SPPL3: variants seen among roughly 807,000 people sequenced by gnomAD.
The protein encoded by SPPL3 is signal peptide peptidase like 3, also known as signal peptide peptidase-like 3.
In SPPL3, 5 loss-of-function variants were observed where a neutral mutation model predicts 42.4. The observed-to-expected ratio is 0.12, with a 90% CI of 0.06 to 0.25. SPPL3 has a LOEUF of 0.25. SPPL3 is among the 10% of genes least tolerant of loss of function. The pLI, the probability that SPPL3 is intolerant of heterozygous loss-of-function variation, is 1.00. For synonymous variants in SPPL3, 195 were observed against 181.8 expected, an observed-to-expected ratio of 1.07 and a Z score of -0.58; for missense variants, 235 against 489.0, an observed-to-expected ratio of 0.48 and a Z score of 4.90.
chr12:120,799,327 T>C (rs560555994), intron 2 of SPPL3, among the ~76,000 whole-genome samples: 6 of 152,320 alleles, frequency 3.9e-5, no homozygotes, highest in Middle Eastern at 3.4e-3. Context: ...AAAAACAGAA[T>C]GGTTGTATGG....
intron 1 of SPPL3, among the ~76,000 whole-genome samples, chr12:120,900,597 GAAAAA>G (rs10657271): frequency 8.1e-6 from 1 of 123,092 alleles, no homozygotes. Flanking sequence ...CTGTCTCAAG[GAAAAA>G]AAAAAAAAAA....
chr12:120,799,467 G>T (rs551376538), intron 2 of SPPL3, among the ~76,000 whole-genome samples: 11 of 152,242 alleles, frequency 7.2e-5, no homozygotes, highest in Admixed American at 5.9e-4. Context: ...AGAAAGTAGT[G>T]GTCAACTTCA....
intron 2 of SPPL3, among the ~76,000 whole-genome samples, chr12:120,798,154 T>A (rs1870169056): frequency 6.6e-6 from 1 of 152,204 alleles, no homozygotes; most frequent in Non-Finnish European, 1.5e-5. Context: ...TGTGGTGGAC[T>A]CCCTGAAACA....
intron 1 of SPPL3, among the ~76,000 whole-genome samples, chr12:120,826,788 G>T (rs1443441474): frequency 6.6e-6 from 1 of 151,918 alleles, no homozygotes; most frequent in Non-Finnish European, 1.5e-5. Flanking sequence ...TTTATACCTG[G>T]AGTCCTGCTG....
intron 2 of SPPL3, among the ~76,000 whole-genome samples, chr12:120,808,924 AAATAC>A (rs1214583645): frequency 6.6e-6 from 1 of 152,220 alleles, no homozygotes; most frequent in Non-Finnish European, 1.5e-5. Context: ...GAAAAAAATA[AAATAC>A]TTGTCCACAG....
At chr12:120,883,873 G>T (rs1442815349) in intron 1 of SPPL3, among the ~76,000 whole-genome samples, 2 of 151,572 alleles carry the variant, frequency 1.3e-5, no homozygotes, top group Admixed American at 6.6e-5. Flanking sequence ...AGGCCAAGGT[G>T]GGTGGATCAC....
intron 1 of SPPL3, among the ~76,000 whole-genome samples, chr12:120,857,023 T>C (rs1054728565): frequency 6.6e-6 from 1 of 152,108 alleles, no homozygotes; most frequent in African/African-American, 2.4e-5. Flanking sequence ...GACAAAGTCT[T>C]GTACTGAGGA....
At chr12:120,804,472 T>C (rs554197) in intron 2 of SPPL3, among the ~76,000 whole-genome samples, 14,977 of 152,032 alleles carry the variant, frequency 0.099, 1,596 homozygotes, top group African/African-American at 0.27. Flanking sequence ...AGATGGCAAA[T>C]GGGCACATGA....
At chr12:120,884,884 A>C (rs1162493303) in intron 1 of SPPL3, among the ~76,000 whole-genome samples, 1 of 150,972 alleles carries the variant, frequency 6.6e-6, no homozygotes, top group African/African-American at 2.4e-5. Context: ...TATTCAATAA[A>C]TAGATACTAG....
intron 1 of SPPL3, among the ~76,000 whole-genome samples, chr12:120,842,273 A>G (rs1871858646): frequency 6.6e-6 from 1 of 152,230 alleles, no homozygotes; most frequent in African/African-American, 2.4e-5. Flanking sequence ...CATAAAAGTA[A>G]TAATGGCAAC....
rs776368225 is a variant in SPPL3, at chr12:120,767,550, C to T, written c.817G>A (p.Val273Ile). 5.6e-6 allele frequency: 9 copies of T among 1,614,198 alleles called. No homozygotes were observed. Among genetic ancestry groups the T allele is most frequent in the South Asian group, 2.2e-5 (2 of 91,086 alleles). The change falls in exon 9 of 11, where the codon GTT (valine) becomes ATT (isoleucine). Residue 273 changes from valine to isoleucine, a missense_variant. This residue lies in a region of SPPL3 where 20 missense variants were observed against 66.1 expected (regional missense o/e 0.30). Transcript: ENST00000353487. ...AAGCATAGTAGGAGACCAGGCATAACGATGTCTCCGATGCCCAACATGGAG... is the reference window on the plus strand; with the variant it reads ...AAGCATAGTAGGAGACCAGGCATAATGATGTCTCCGATGCCCAACATGGAG... ...HFSMLGIGDI[V>I]MPGLLLCFVL...
intron 1 of SPPL3, among the ~76,000 whole-genome samples, chr12:120,876,634 A>AAAAAAAC (rs1483322103): frequency 6.7e-6 from 1 of 148,616 alleles, no homozygotes; most frequent in Non-Finnish European, 1.5e-5. Context: ...AAAAAAAAAA[A>AAAAAAAC]AAGAAGAAAG....
chr12:120,885,624 CCT>C (rs1290324768), intron 1 of SPPL3, among the ~76,000 whole-genome samples: 1 of 151,896 alleles, frequency 6.6e-6, no homozygotes, highest in South Asian at 2.1e-4. Flanking sequence ...TTTTTTTAAT[CCT>C]CTGTCACTGG....
At chr12:120,812,844 A>G (rs181111477) in intron 1 of SPPL3, among the ~76,000 whole-genome samples, 1 of 152,358 alleles carries the variant, frequency 6.6e-6, no homozygotes, top group East Asian at 1.9e-4. Context: ...AACCTCAAAC[A>G]GTTGTTAAAG....
Position 120,766,245 on chromosome 12 carries a change from T to C in SPPL3, c.1083+18A>G. The C allele has an allele frequency of 6.4e-7, 1 of 1,553,162 alleles. No homozygotes were observed. Among genetic ancestry groups the C allele is most frequent in the South Asian group, 1.2e-5 (1 of 83,884 alleles). On this transcript the variant is annotated intron_variant, in intron 10 of 10. Coordinates refer to ENST00000353487, the MANE Select transcript of SPPL3 (RefSeq NM_139015.5). Reference sequence around the variant, plus strand: ...ATCCAAGTTATTGCTTTCACAGGTTTATAACTGCTGCTCTCACCTTTAAAT... The same window carrying C: ...ATCCAAGTTATTGCTTTCACAGGTTCATAACTGCTGCTCTCACCTTTAAAT...
At chr12:120,826,292 CAAAAAAAA>C (rs11341939) in intron 1 of SPPL3, among the ~76,000 whole-genome samples, 1 of 118,644 alleles carries the variant, frequency 8.4e-6, no homozygotes, top group Admixed American at 8.9e-5. Context: ...AAACTGTCTC[CAAAAAAAA>C]AAAAAAAAAA....
intron 1 of SPPL3, among the ~76,000 whole-genome samples, chr12:120,881,514 T>G (rs1873285422): frequency 8.0e-6 from 1 of 125,238 alleles, no homozygotes; most frequent in Non-Finnish European, 1.7e-5. Flanking sequence ...AAAAATTAAA[T>G]GTTGAATTGC....
intron 6 of SPPL3, among the ~76,000 whole-genome samples, chr12:120,780,741 T>TA (rs34721813): frequency 0.026 from 2,617 of 100,856 alleles, 34 homozygotes; most frequent in South Asian, 0.11. Flanking sequence ...ATACAAAAAT[T>TA]AAAAAAAAAA....
intron 1 of SPPL3, among the ~76,000 whole-genome samples, chr12:120,877,736 G>A (rs1433215477): frequency 2.0e-5 from 3 of 149,660 alleles, no homozygotes; most frequent in South Asian, 2.1e-4. Context: ...AGCCGAGATC[G>A]TGCCATTGCA....
Sources: allele counts gnomAD v4.1 joint callset (sites outside exome capture counted in the v4.1 genomes callset), GRCh38; gene constraint gnomAD v4.1.1; regional missense constraint gnomAD v4.1.1; transcripts MANE v1.5; gene names NCBI Gene and HGNC (gene_info 2026-07-23, HGNC 2026-07-21).